The following CDK5R1 variants were observed in gnomAD, a reference collection of about 807,000 sequenced individuals.
CDK5R1 encodes cyclin-dependent kinase 5 activator 1.
CDK5R1 carries 1 observed loss-of-function variant against 19.0 expected under a neutral mutation model. The observed-to-expected ratio is 0.05, with a 90% CI of 0.02 to 0.25. The LOEUF (loss-of-function observed/expected upper bound fraction) is 0.25, where lower values mean the gene tolerates loss of function less well. Among genes scored for constraint, CDK5R1 ranks in the 10% least tolerant of loss-of-function variants. The pLI is 1.00. For missense variants in CDK5R1, 314 were observed against 401.0 expected, an observed-to-expected ratio of 0.78 and a Z score of 1.85; for synonymous variants, 225 against 187.7, an observed-to-expected ratio of 1.20 and a Z score of -1.62.
At position 32,488,615 on chromosome 17, in the gene CDK5R1, G is replaced by T; in HGVS notation, c.*71G>T. Reference sequence around the variant, plus strand: ...GAATTTATTATTAAATCAGTTTTGTGTACAGTATGTGTCTAGCAAAGCCAC... The same window carrying T: ...GAATTTATTATTAAATCAGTTTTGTTTACAGTATGTGTCTAGCAAAGCCAC... On this transcript the variant is annotated 3_prime_UTR_variant, in exon 2 of 2. Coordinates refer to ENST00000313401, the MANE Select transcript of CDK5R1 (RefSeq NM_003885.3). 1.9e-6 allele frequency: 3 copies of T among 1,594,620 alleles called. No homozygotes were observed. The highest frequency in any genetic ancestry group is 1.1e-5 in the South Asian group (1 of 88,494).
rs1160550937 is a variant in CDK5R1 at position 32,489,350 on chromosome 17, CTGTGGCAAATGCCAGGACA to C, written c.*807_*825del. 2.2e-6 allele frequency: 1 copy of C among 460,848 alleles called. No individual in the cohort carries two copies. Among genetic ancestry groups the C allele is most frequent in the Non-Finnish European group, 4.6e-6 (1 of 219,726 alleles). 28.5% of individuals were successfully genotyped at this position (460,848 alleles called of 1,614,324 possible). A position where few individuals can be genotyped will look rare whatever the true frequency, so the allele number is the denominator to read the frequency against. ...TTTTGAATAATGTAGTGCAGTCACCCTGTGGCAAATGCCAGGACAGCTGCAGGTGCCCATTAGCAACGCC... is the reference window on the plus strand; with the variant it reads ...TTTTGAATAATGTAGTGCAGTCACCCGCTGCAGGTGCCCATTAGCAACGCC... On this transcript the variant is annotated 3_prime_UTR_variant, in exon 2 of 2. Transcript: ENST00000313401.
Position 32,490,024 on chromosome 17 carries a change from GC to G in CDK5R1, c.*1481del, listed in dbSNP as rs1908816269. ...CTACTGAAATTTACACAAAAAGAAAGCTGTGAAATTGAAGTCCCAATTTAAG... is the reference window on the plus strand; with the variant it reads ...CTACTGAAATTTACACAAAAAGAAAGTGTGAAATTGAAGTCCCAATTTAAG... On this transcript the variant is annotated 3_prime_UTR_variant, in exon 2 of 2. Coordinates refer to ENST00000313401, the MANE Select transcript of CDK5R1 (RefSeq NM_003885.3). 6.0e-6 allele frequency: 1 copy of G among 167,102 alleles called. No homozygotes were observed. Among genetic ancestry groups the G allele is most frequent in the Non-Finnish European group, 1.5e-5 (1 of 68,120 alleles). 10.4% of individuals were successfully genotyped at this position (167,102 alleles called of 1,614,324 possible).
In CDK5R1 at chr17:32,488,653, C is replaced by T; in HGVS notation, c.*109C>T. The T allele has an allele frequency of 6.5e-7, 1 of 1,540,746 alleles. No homozygotes were observed. The highest frequency in any genetic ancestry group is 1.4e-5 in the African/African-American group (1 of 72,826). On this transcript the variant is annotated 3_prime_UTR_variant, in exon 2 of 2. Coordinates refer to ENST00000313401, the MANE Select transcript of CDK5R1 (RefSeq NM_003885.3). ...CTAGCAAAGCCACCAAGGGCCTCAC[C>T]TTTCCCACAGTCTCTCCCTGGGGTT... is the stretch of plus-strand genomic sequence containing the variant.
In CDK5R1 at chr17:32,487,812, C is replaced by T. The variant is rs1329422532; in HGVS notation, c.192C>T (p.Asn64=). The T allele has an allele frequency of 1.9e-6, 3 of 1,614,108 alleles. No individual in the cohort carries two copies. Among genetic ancestry groups the T allele is most frequent in the East Asian group, 2.2e-5 (1 of 44,868 alleles). ...TGGCCGTGTCGGCCAAGAAGAAGAA[C>T]TCCAAGAAGGTGCAGCCCAACAGCA... ...RIVAVSAKKK[N]SKKVQPNSSY... is the part of the protein sequence containing the mutation. Residue 64 remains asparagine, a synonymous_variant, in exon 2 of 2, where the codon AAC becomes AAT. Transcript: ENST00000313401. This position sits in a 1 kb window ranked among gnomAD's most constrained non-coding sequence, Gnocchi z 7.9.
chr17:32,489,560 G>C lies in CDK5R1; in HGVS notation c.*1016G>C, dbSNP rs1198731038. On this transcript the variant is annotated 3_prime_UTR_variant, in exon 2 of 2. Coordinates refer to ENST00000313401, the MANE Select transcript of CDK5R1 (RefSeq NM_003885.3). ...GTTAATTTAAAGCTGTTTCTAAACA[G>C]TTGAGTTTCTTCTAAAGAGGAAGCC... is the stretch of plus-strand genomic sequence containing the variant. The C allele has an allele frequency of 1.1e-5, 2 of 190,090 alleles. No homozygotes were observed. Among genetic ancestry groups the C allele is most frequent in the Non-Finnish European group, 2.3e-5 (2 of 85,446 alleles). The allele number at this position is 190,090 out of a possible 1,614,324, so 11.8% of individuals were successfully genotyped here.
Position 32,487,890 on chromosome 17 carries a change from G to A in CDK5R1, c.270G>A (p.Leu90=), listed in dbSNP as rs776604886. 12 of 1,613,790 alleles carry A rather than the reference G, an allele frequency of 7.4e-6. No homozygotes were observed. The highest frequency in any genetic ancestry group is 4.2e-6 in the Non-Finnish European group (5 of 1,180,006). ...HLNNENLKKS[L]SCANLSTFAQ... Reference sequence around the variant, plus strand: ...ACAATGAGAACCTGAAGAAGTCGCTGTCGTGCGCCAACCTGTCCACATTCG... The same window carrying A: ...ACAATGAGAACCTGAAGAAGTCGCTATCGTGCGCCAACCTGTCCACATTCG... The change falls in exon 2 of 2, where the codon CTG becomes CTA. Residue 90 remains leucine, a synonymous_variant. Coordinates refer to ENST00000313401, the MANE Select transcript of CDK5R1 (RefSeq NM_003885.3). This position sits in a 1 kb window ranked among gnomAD's most constrained non-coding sequence, Gnocchi z 7.9.
At position 32,489,591 on chromosome 17, in the gene CDK5R1, C is replaced by T. The variant is rs1030577381; in HGVS notation, c.*1047C>T. On this transcript the variant is annotated 3_prime_UTR_variant, in exon 2 of 2. Transcript: ENST00000313401. ...TTTCTTCTAAAGAGGAAGCCTTGCC[C>T]AGCAAGGACCAGTGAGACAGCCGGA... 1.7e-4 allele frequency: 30 copies of T among 179,626 alleles called. No homozygotes were observed. Among genetic ancestry groups the T allele is most frequent in the African/African-American group, 6.2e-4 (26 of 41,868 alleles). The allele number at this position is 179,626 out of a possible 1,614,324, so 11.1% of individuals were successfully genotyped here.
rs1908717160 is a variant in CDK5R1 at position 32,487,565 on chromosome 17, G to A, written c.-56G>A. ...GCTCGGTGAGCGGTTTTATCCCTCC[G>A]GCCGGCAGGCTGGGCGCGCAGGGGC... On this transcript the variant is annotated 5_prime_UTR_variant, in exon 2 of 2. Transcript: ENST00000313401. The surrounding 1 kb of genome is among the most constrained non-coding windows in gnomAD (Gnocchi z 7.9). 3 of 1,479,284 alleles carry A rather than the reference G, an allele frequency of 2.0e-6. No homozygotes were observed. The highest frequency in any genetic ancestry group is 2.8e-6 in the Non-Finnish European group (3 of 1,087,722). 91.6% of individuals were successfully genotyped at this position (1,479,284 alleles called of 1,614,324 possible). A position where few individuals can be genotyped will look rare whatever the true frequency, so the allele number is the denominator to read the frequency against.
In CDK5R1 at chr17:32,488,130, C is replaced by A. The variant is rs1473125033; in HGVS notation, c.510C>A (p.Ser170=). The A allele has an allele frequency of 1.2e-6, 2 of 1,613,316 alleles. No homozygotes were observed. Among genetic ancestry groups the A allele is most frequent in the Non-Finnish European group, 1.7e-6 (2 of 1,179,936 alleles). ...CRRCYRLKHL[S]PTDPVLWLRS... ...GGTGCTACCGCCTGAAGCACCTGTC[C>A]CCCACGGACCCCGTGCTCTGGCTGC... is the stretch of plus-strand genomic sequence containing the variant. Residue 170 remains serine (S), a synonymous_variant, in exon 2 of 2, where the codon TCC becomes TCA. Transcript: ENST00000313401.
In CDK5R1 at chr17:32,488,777, C is replaced by A. The variant is rs923047037; in HGVS notation, c.*233C>A. 1 of 706,916 alleles carries A rather than the reference C, an allele frequency of 1.4e-6. No individual in the cohort carries two copies. Among genetic ancestry groups the A allele is most frequent in the Admixed American group, 2.8e-5 (1 of 35,328 alleles). The allele number at this position is 706,916 out of a possible 1,614,324, so 43.8% of individuals were successfully genotyped here. On this transcript the variant is annotated 3_prime_UTR_variant, in exon 2 of 2. Transcript: ENST00000313401. Reference sequence around the variant, plus strand: ...AGAGCCACCCAGGCCACTGACCTCCCACTTTGGGGAACTCAAAGGACTGAC... The same window carrying A: ...AGAGCCACCCAGGCCACTGACCTCCAACTTTGGGGAACTCAAAGGACTGAC...
rs748373515 is a variant in CDK5R1 at position 32,487,869 on chromosome 17, T to C, written c.249T>C (p.Asn83=). ...SYQNNITHLN[N]ENLKKSLSCA... Reference sequence around the variant, plus strand: ...AGAACAACATCACGCACCTCAACAATGAGAACCTGAAGAAGTCGCTGTCGT... The same window carrying C: ...AGAACAACATCACGCACCTCAACAACGAGAACCTGAAGAAGTCGCTGTCGT... The change falls in exon 2 of 2, where the codon AAT becomes AAC. Residue 83 remains asparagine, a synonymous_variant. Coordinates refer to ENST00000313401, the MANE Select transcript of CDK5R1 (RefSeq NM_003885.3). This position sits in a 1 kb window ranked among gnomAD's most constrained non-coding sequence, Gnocchi z 7.9. 10 of 1,612,718 alleles carry C rather than the reference T, an allele frequency of 6.2e-6. No homozygotes were observed. Among genetic ancestry groups the C allele is most frequent in the Non-Finnish European group, 8.5e-6 (10 of 1,178,944 alleles).
Position 32,488,006 on chromosome 17 carries a change from C to T in CDK5R1, c.386C>T (p.Pro129Leu). 1.2e-6 allele frequency: 2 copies of T among 1,613,102 alleles called. No homozygotes were observed. Among genetic ancestry groups the T allele is most frequent in the Non-Finnish European group, 1.7e-6 (2 of 1,179,802 alleles). ...GGCTCCTCCTCAGTCAAGAAAGCCC[C>T]TCACCCTGCCGTCACCTCCGCAGGG... ...TGGSSSVKKA[P>L]HPAVTSAGTP... is the part of the protein sequence containing the mutation. The change falls in exon 2 of 2, where the codon CCT becomes CTT. Residue 129 changes from proline to leucine, a missense_variant. Physicochemically the swap from Pro to Leu is moderately conservative, Grantham distance 98 (BLOSUM62 -3). This residue lies in a region of CDK5R1 where 197 missense variants were observed against 230.2 expected (regional missense o/e 0.86). Transcript: ENST00000313401.
chr17:32,491,248 C>G lies in CDK5R1; in HGVS notation c.*2704C>G, dbSNP rs1243439096. 6.0e-6 allele frequency: 1 copy of G among 166,682 alleles called. No individual in the cohort carries two copies. The highest frequency in any genetic ancestry group is 1.5e-5 in the Non-Finnish European group (1 of 68,112). 10.3% of individuals were successfully genotyped at this position (166,682 alleles called of 1,614,324 possible). A position where few individuals can be genotyped will look rare whatever the true frequency, so the allele number is the denominator to read the frequency against. On this transcript the variant is annotated 3_prime_UTR_variant, in exon 2 of 2. Transcript: ENST00000313401. ...TGCTGATTCAATAAAATGCACTGAC[C>G]ATCCATTACAGAGACCTCTTTTTGT...
rs1380928197 is a variant in CDK5R1 at position 32,490,346 on chromosome 17, A to C, written c.*1802A>C. 6.0e-6 allele frequency: 1 copy of C among 167,200 alleles called. No individual in the cohort carries two copies. Among genetic ancestry groups the C allele is most frequent in the Non-Finnish European group, 1.5e-5 (1 of 68,178 alleles). The allele number at this position is 167,200 out of a possible 1,614,324, so 10.4% of individuals were successfully genotyped here. On this transcript the variant is annotated 3_prime_UTR_variant, in exon 2 of 2. Transcript: ENST00000313401. Reference sequence around the variant, plus strand: ...GGGAGGGTCAGTGCCAAGTCTCAGGAGGAGGGCGCATGTGTGTATCACCCT... The same window carrying C: ...GGGAGGGTCAGTGCCAAGTCTCAGGCGGAGGGCGCATGTGTGTATCACCCT...
chr17:32,488,647 C>T lies in CDK5R1; in HGVS notation c.*103C>T. ...ATGTGTCTAGCAAAGCCACCAAGGGCCTCACCTTTCCCACAGTCTCTCCCT... is the reference window on the plus strand; with the variant it reads ...ATGTGTCTAGCAAAGCCACCAAGGGTCTCACCTTTCCCACAGTCTCTCCCT... On this transcript the variant is annotated 3_prime_UTR_variant, in exon 2 of 2. Coordinates refer to ENST00000313401, the MANE Select transcript of CDK5R1 (RefSeq NM_003885.3). 3.2e-6 allele frequency: 5 copies of T among 1,547,232 alleles called. No homozygotes were observed. The highest frequency in any genetic ancestry group is 1.2e-5 in the South Asian group (1 of 84,616).
rs1290080332 is a variant in CDK5R1, at chr17:32,487,325, C to A, written c.-145-151C>A. On this transcript the variant is annotated intron_variant, in intron 1 of 1. Coordinates refer to ENST00000313401, the MANE Select transcript of CDK5R1 (RefSeq NM_003885.3). The surrounding 1 kb of genome is among the most constrained non-coding windows in gnomAD (Gnocchi z 7.9). ...GCGGCGGCGGCGGGCGGGGGTGCTG[C>A]AGTGGAGGCGGCGAGGCTGCGTCGC... 6.8e-6 allele frequency among the ~76,000 whole-genome samples: 1 copy of A among 147,642 alleles called. No individual in the cohort carries two copies. The highest frequency in any genetic ancestry group is 2.1e-4 in the South Asian group (1 of 4,812).
Position 32,488,756 on chromosome 17 carries a change from C to T in CDK5R1, c.*212C>T. On this transcript the variant is annotated 3_prime_UTR_variant, in exon 2 of 2. Transcript: ENST00000313401. ...CAAAACCCAGAAGATGTATTCAGAG[C>T]CACCCAGGCCACTGACCTCCCACTT... The T allele has an allele frequency of 1.2e-6, 1 of 826,912 alleles. No individual in the cohort carries two copies. The highest frequency in any genetic ancestry group is 1.9e-6 in the Non-Finnish European group (1 of 535,018). 51.2% of individuals were successfully genotyped at this position (826,912 alleles called of 1,614,324 possible). A position where few individuals can be genotyped will look rare whatever the true frequency, so the allele number is the denominator to read the frequency against.
In CDK5R1 at chr17:32,491,077, GTTAATA is replaced by G. The variant is rs1413470620; in HGVS notation, c.*2539_*2544del. The G allele has an allele frequency of 3.6e-5, 6 of 167,130 alleles. No individual in the cohort carries two copies. The highest frequency in any genetic ancestry group is 9.6e-5 in the African/African-American group (4 of 41,528). The allele number at this position is 167,130 out of a possible 1,614,324, so 10.4% of individuals were successfully genotyped here. A position where few individuals can be genotyped will look rare whatever the true frequency, so the allele number is the denominator to read the frequency against. On this transcript the variant is annotated 3_prime_UTR_variant, in exon 2 of 2. Coordinates refer to ENST00000313401, the MANE Select transcript of CDK5R1 (RefSeq NM_003885.3). ...ATTCTTTGACCAAACTGTGGGTATT[GTTAATA>G]TTAATTTATATTTGTCTCATTTTGT...
At position 32,488,269 on chromosome 17, in the gene CDK5R1, G is replaced by C. The variant is rs1251523825; in HGVS notation, c.649G>C (p.Gly217Arg). The change falls in exon 2 of 2, where the codon GGC (glycine) becomes CGC (arginine). Residue 217 changes from glycine to arginine, a missense_variant. Coordinates refer to ENST00000313401, the MANE Select transcript of CDK5R1 (RefSeq NM_003885.3). Reference protein sequence around the residue: ...LCRDVISSEVGSDHELQAVLL... With the variant: ...LCRDVISSEVRSDHELQAVLL... ...CAGGGATGTTATCTCCTCCGAGGTG[G>C]GCTCGGATCACGAGCTCCAGGCCGT... 6.2e-7 allele frequency: 1 copy of C among 1,613,966 alleles called. No individual in the cohort carries two copies. Among genetic ancestry groups the C allele is most frequent in the Non-Finnish European group, 8.5e-7 (1 of 1,180,054 alleles).
Sources: gnomAD v4.1 joint callset for allele counts (sites outside exome capture counted in the v4.1 genomes callset) on GRCh38, gnomAD v4.1.1 for gene constraint, gnomAD v4.1.1 regional missense constraint, Gnocchi (gnomAD v3.1) non-coding constraint, MANE v1.5 for transcripts, NCBI Gene and HGNC (gene_info 2026-07-23, HGNC 2026-07-21) for gene names.